The following TKTL1 variants were observed in gnomAD, a reference collection of about 807,000 sequenced individuals.
TKTL1 encodes the protein transketolase like 1, also known as transketolase-like protein 1.
TKTL1 carries 1 observed loss-of-function variant against 39.3 expected under a neutral mutation model. That is an observed-to-expected ratio of 0.03 (90% CI 0.01 to 0.12). The LOEUF (loss-of-function observed/expected upper bound fraction) is 0.12. Ranked by LOEUF, TKTL1 falls within the 10% of genes least tolerant of loss-of-function variation. The pLI is 1.00. For synonymous variants in TKTL1, 262 were observed against 193.8 expected, an observed-to-expected ratio of 1.35 and a Z score of -2.92; for missense variants, 575 against 509.6, an observed-to-expected ratio of 1.13 and a Z score of -1.24.
chrX:154,299,112 A>G (rs1185686806), intron 1 of TKTL1, among the ~76,000 whole-genome samples: 1 of 83,845 alleles, frequency 1.2e-5, no homozygotes, highest in African/African-American at 4.5e-5. Flanking sequence ...TTCTGTTTTC[A>G]TTTGTCTCTA....
chrX:154,312,644 C>G lies in TKTL1; in HGVS notation c.735C>G (p.Ile245Met), dbSNP rs1381676579. Residue 245 changes from isoleucine (I) to methionine (M), a missense_variant, in exon 6 of 13, where the codon ATC (isoleucine) becomes ATG (methionine). Ile to Met is a conservative substitution (Grantham distance 10). Transcript: ENST00000369915. Reference sequence around the variant, plus strand: ...CGAGAGAAAGAGCAGATGCCATTATCAAATTAATTGAGAGCCAGATACAGA... The same window carrying G: ...CGAGAGAAAGAGCAGATGCCATTATGAAATTAATTGAGAGCCAGATACAGA... ...PMPRERADAI[I>M]KLIESQIQTS... 8.3e-7 allele frequency: 1 copy of G among 1,211,361 alleles called. No individual in the cohort carries two copies. The highest frequency in any genetic ancestry group is 1.1e-6 in the Non-Finnish European group (1 of 895,271).
At chrX:154,307,266 C>T (rs1266774800) in intron 2 of TKTL1, among the ~76,000 whole-genome samples, 1 of 111,667 alleles carries the variant, frequency 9.0e-6, no homozygotes, top group Non-Finnish European at 1.9e-5. Flanking sequence ...CTATCAGAGC[C>T]ATTGGCCTTA....
chrX:154,321,015 G>A, intron 8 of TKTL1, 102 bp downstream of exon 8: 1 of 961,112 alleles, frequency 1.0e-6, no homozygotes, highest in South Asian at 2.2e-5. Context: ...GTTCCATGAA[G>A]TTTGATTATT....
At chrX:154,318,890 G>T (rs2067426552) in intron 7 of TKTL1, among the ~76,000 whole-genome samples, 1 of 110,478 alleles carries the variant, frequency 9.1e-6, no homozygotes, top group African/African-American at 3.3e-5. Context: ...ATGCATGAAA[G>T]CCTTTTATTG....
intron 1 of TKTL1, among the ~76,000 whole-genome samples, chrX:154,296,759 A>C (rs1404502438): frequency 9.0e-6 from 1 of 111,413 alleles, no homozygotes; most frequent in African/African-American, 3.3e-5. Context: ...GCCACCTGTA[A>C]TCCCAAGCAC....
chrX:154,298,314 A>G (rs2148797535), intron 1 of TKTL1, among the ~76,000 whole-genome samples: 1 of 111,233 alleles, frequency 9.0e-6, no homozygotes, highest in East Asian at 2.8e-4. Context: ...TCGTGGGCTC[A>G]AGCGACTCTC....
At chrX:154,315,065 AAGAT>A (rs2067387180) in intron 6 of TKTL1, 104 bp from the exon 7 acceptor site, 3 of 894,131 alleles carry the variant, frequency 3.4e-6, no homozygotes, top group Middle Eastern at 2.9e-4. Context: ...TACTTTCTTC[AAGAT>A]AGATGATAAT....
intron 7 of TKTL1, 67 bp from the exon 8 acceptor site, chrX:154,320,690 A>G (rs1416965619): frequency 1.9e-6 from 2 of 1,067,229 alleles, no homozygotes; most frequent in African/African-American, 1.8e-5. Flanking sequence ...TATCATGGGG[A>G]CTGTGGGAGA....
At chrX:154,311,968 CTG>C (rs1466908704) in intron 5 of TKTL1, among the ~76,000 whole-genome samples, 2 of 110,909 alleles carry the variant, frequency 1.8e-5, no homozygotes, top group East Asian at 5.7e-4. Context: ...ACTACCATGA[CTG>C]TTGCCACACC....
In TKTL1 at chrX:154,312,745, C is replaced by T; in HGVS notation, c.836C>T (p.Ser279Phe). ...AACATCACAGATGTAAGGATGACCT[C>T]TCCACCTGATTACAGAGTTGGTGAC... ...EVNITDVRMT[S>F]PPDYRVGDKI... The change falls in exon 6 of 13, where the codon TCT becomes TTT. Residue 279 changes from serine (S) to phenylalanine (F), a missense_variant. Coordinates refer to ENST00000369915, the MANE Select transcript of TKTL1 (RefSeq NM_012253.4). The T allele has an allele frequency of 8.3e-7, 1 of 1,207,170 alleles. No homozygotes were observed. Among genetic ancestry groups the T allele is most frequent in the Non-Finnish European group, 1.1e-6 (1 of 893,683 alleles).
At chrX:154,314,877 G>C (rs1193997555) in intron 6 of TKTL1, among the ~76,000 whole-genome samples, 4 of 110,209 alleles carry the variant, frequency 3.6e-5, no homozygotes, top group Non-Finnish European at 7.6e-5. Flanking sequence ...TCTCACTCTT[G>C]AGCTGTGGAG....
At chrX:154,318,575 G>A (rs1269223551) in intron 7 of TKTL1, among the ~76,000 whole-genome samples, 1 of 108,426 alleles carries the variant, frequency 9.2e-6, no homozygotes, top group Non-Finnish European at 1.9e-5. Flanking sequence ...GGGCGTGGTG[G>A]TGGGTGCCTG....
intron 2 of TKTL1, among the ~76,000 whole-genome samples, chrX:154,308,276 C>A (rs1268394639): frequency 8.9e-6 from 1 of 111,782 alleles, no homozygotes; most frequent in Non-Finnish European, 1.9e-5. Flanking sequence ...CCCACATCCA[C>A]GCACAAGCAC....
intron 9 of TKTL1, among the ~76,000 whole-genome samples, chrX:154,324,867 G>A (rs1316508606): frequency 8.9e-6 from 1 of 112,134 alleles, no homozygotes; most frequent in Non-Finnish European, 1.9e-5. Flanking sequence ...ATTTATACTG[G>A]TAAATGTTTA....
At position 154,323,198 on chromosome X, in the gene TKTL1, TTC is replaced by T. The variant is rs782476586; in HGVS notation, c.1187-4_1187-3del. 3.3e-6 allele frequency: 4 copies of T among 1,206,916 alleles called. No individual in the cohort carries two copies. Among genetic ancestry groups the T allele is most frequent in the African/African-American group, 3.5e-5 (2 of 56,891 alleles). On this transcript the variant is annotated splice_polypyrimidine_tract_variant and splice_region_variant and intron_variant, in intron 8 of 12. Transcript: ENST00000369915. ...TGCTCCTGTTTTCATCGGGCTCTGG[TTC>T]TCTCAGGTGACGATGGTGCTTCCCA...
At chrX:154,302,955 C>G (rs782184489) in intron 1 of TKTL1, among the ~76,000 whole-genome samples, 1 of 110,791 alleles carries the variant, frequency 9.0e-6, no homozygotes, top group East Asian at 2.9e-4. Context: ...CGATCCTCCC[C>G]TAGGACCTAG....
chrX:154,304,017 C>T (rs2067295902), intron 1 of TKTL1, among the ~76,000 whole-genome samples: 1 of 110,779 alleles, frequency 9.0e-6, no homozygotes, highest in South Asian at 3.8e-4. Context: ...GGGGAGATCA[C>T]AGTGTGACAA....
At chrX:154,328,615 A>ATAG (rs1319293988) in intron 12 of TKTL1, among the ~76,000 whole-genome samples, 1 of 104,044 alleles carries the variant, frequency 9.6e-6, no homozygotes, top group Non-Finnish European at 2.0e-5. Flanking sequence ...GAAAGCAGGT[A>ATAG]TAGCAGAGAA....
At chrX:154,319,771 G>A (rs2067434010) in intron 7 of TKTL1, among the ~76,000 whole-genome samples, 1 of 109,571 alleles carries the variant, frequency 9.1e-6, no homozygotes, top group Admixed American at 9.7e-5. Context: ...GGGGAGCACA[G>A]ACCCTCCTTT....
Sources: allele counts gnomAD v4.1 joint callset (sites outside exome capture counted in the v4.1 genomes callset), GRCh38; gene constraint gnomAD v4.1.1; transcripts MANE v1.5; gene names NCBI Gene and HGNC (gene_info 2026-07-23, HGNC 2026-07-21).